LRBA: variants seen among roughly 807,000 people sequenced by gnomAD.
LRBA encodes LPS responsive beige-like anchor protein, also known as lipopolysaccharide-responsive and beige-like anchor protein.
LRBA carries 176 observed loss-of-function variants against 330.0 expected under a neutral mutation model. That is an observed-to-expected ratio of 0.53 (90% CI 0.47 to 0.60). The LOEUF (loss-of-function observed/expected upper bound fraction) is 0.60. Among genes scored for constraint, LRBA ranks in the 20% least tolerant of loss-of-function variants. The pLI is 0.00. For missense variants in LRBA, 3,259 were observed against 3,444.8 expected (o/e 0.95, Z 1.35); for synonymous variants, 1,230 against 1,193.0 (o/e 1.03, Z -0.64).
chr4:150,939,125 A>G (rs561687417), intron 2 of LRBA, among the ~76,000 whole-genome samples: 2 of 152,124 alleles, frequency 1.3e-5, no homozygotes, highest in African/African-American at 2.4e-5. Flanking sequence ...TATGCTCTAC[A>G]CTACTGTGCC....
intron 40 of LRBA, among the ~76,000 whole-genome samples, chr4:150,555,756 A>ACACAC (rs1767227376): frequency 1.7e-4 from 25 of 144,700 alleles, no homozygotes; most frequent in African/African-American, 6.2e-4. Context: ...GTCTTATAAA[A>ACACAC]ACACACACAC....
chr4:151,006,500 A>G (rs1043786835), intron 2 of LRBA, among the ~76,000 whole-genome samples: 2 of 152,134 alleles, frequency 1.3e-5, no homozygotes, highest in Non-Finnish European at 2.9e-5. Flanking sequence ...TTGTACATCT[A>G]TATAAGTATT....
At chr4:150,305,938 T>C (rs890605755) in intron 52 of LRBA, among the ~76,000 whole-genome samples, 1 of 152,172 alleles carries the variant, frequency 6.6e-6, no homozygotes, top group Non-Finnish European at 1.5e-5. Context: ...CTTATAAGTG[T>C]TCCTCAACCT....
At chr4:150,888,414 A>G (rs1445142565) in intron 17 of LRBA, among the ~76,000 whole-genome samples, 11 of 152,210 alleles carry the variant, frequency 7.2e-5, no homozygotes, top group Admixed American at 7.2e-4. Context: ...AACTAGTGAA[A>G]GTAAAACTTT....
At chr4:150,873,584 T>C (rs1352716322) in intron 17 of LRBA, among the ~76,000 whole-genome samples, 3 of 151,302 alleles carry the variant, frequency 2.0e-5, no homozygotes, top group African/African-American at 4.9e-5. Context: ...AGTGAGACTC[T>C]GTCTCAAAAA....
intron 36 of LRBA, among the ~76,000 whole-genome samples, chr4:150,684,406 G>C (rs1320550361): frequency 6.6e-6 from 1 of 152,014 alleles, no homozygotes; most frequent in Non-Finnish European, 1.5e-5. Flanking sequence ...GGATTGCCTG[G>C]GATCTTATTT....
chr4:150,648,970 C>T (rs1311981171), intron 37 of LRBA, among the ~76,000 whole-genome samples: 1 of 152,112 alleles, frequency 6.6e-6, no homozygotes, highest in Non-Finnish European at 1.5e-5. Flanking sequence ...CTCCATGCTA[C>T]CAAAACAGTT....
chr4:150,918,045 C>G (rs1043708730), intron 5 of LRBA, among the ~76,000 whole-genome samples: 9 of 152,280 alleles, frequency 5.9e-5, no homozygotes, highest in African/African-American at 2.2e-4. Flanking sequence ...GCCCTGGTGT[C>G]CTTTGGTTAG....
chr4:150,743,124 C>A (rs1732239369), intron 35 of LRBA, among the ~76,000 whole-genome samples: 1 of 152,022 alleles, frequency 6.6e-6, no homozygotes, highest in Admixed American at 6.6e-5. Flanking sequence ...CATGAGTCAC[C>A]ACCCCCGGCT....
At chr4:150,858,840 A>AT (rs1340594734) in intron 22 of LRBA, among the ~76,000 whole-genome samples, 26 of 152,238 alleles carry the variant, frequency 1.7e-4, no homozygotes, top group African/African-American at 6.0e-4. Context: ...AACTTTTGAA[A>AT]TTTCTTCAAA....
chr4:150,631,841 C>T (rs1403286011), intron 37 of LRBA, among the ~76,000 whole-genome samples: 1 of 152,154 alleles, frequency 6.6e-6, no homozygotes, highest in Non-Finnish European at 1.5e-5. Context: ...GCCAGAAGTA[C>T]ATCCACATGG....
At chr4:150,844,492 TTTA>T (rs1280929872) in intron 27 of LRBA, among the ~76,000 whole-genome samples, 163 bp downstream of exon 27, 1 of 152,164 alleles carries the variant, frequency 6.6e-6, no homozygotes, top group African/African-American at 2.4e-5. Context: ...TAAACAAATC[TTTA>T]TTGTGTATTT....
chr4:150,614,163 A>G (rs1775543358), intron 37 of LRBA, among the ~76,000 whole-genome samples: 1 of 152,120 alleles, frequency 6.6e-6, no homozygotes, highest in African/African-American at 2.4e-5. Context: ...TTAAAGGCTT[A>G]CCCTTTCATT....
At chr4:150,584,725 G>A (rs1486960039) in intron 40 of LRBA, 1 of 166,502 alleles carries the variant, frequency 6.0e-6, no homozygotes, top group African/African-American at 2.4e-5. Context: ...TTAAGTGAAG[G>A]CAGGTGAGAT....
intron 42 of LRBA, among the ~76,000 whole-genome samples, chr4:150,477,986 G>A (rs1756902055): frequency 1.3e-5 from 2 of 152,034 alleles, no homozygotes; most frequent in African/African-American, 4.8e-5. Context: ...TATTTTCCTG[G>A]ATTTCCTGTC....
chr4:151,004,015 G>A (rs1743725073), intron 2 of LRBA, among the ~76,000 whole-genome samples: 1 of 151,178 alleles, frequency 6.6e-6, no homozygotes, highest in African/African-American at 2.4e-5. Context: ...CACCTCCTGG[G>A]TTCCACAAAT....
chr4:150,350,151 C>A lies in LRBA; in HGVS notation c.7203G>T (p.Glu2401Asp), dbSNP rs1268340686. The A allele has an allele frequency of 1.3e-6, 2 of 1,567,712 alleles. No individual in the cohort carries two copies. Among genetic ancestry groups the A allele is most frequent in the East Asian group, 2.3e-5 (1 of 42,866 alleles). The part of the protein sequence containing the change: ...EFVHINRLAL[E>D]SEFVSCQLHQ... ...GAAGCTGGCAGGAAACAAATTCACT[C>A]TCCAGGGCCTGAAAAAAGGTATACA... The change falls in exon 48 of 57, where the codon GAG becomes GAT. Residue 2401 changes from glutamate (E) to aspartate (D), a missense_variant. By Grantham distance (45) the Glu-to-Asp change is conservative. Transcript: ENST00000651943.
At chr4:150,604,069 T>C (rs1204268145) in intron 37 of LRBA, among the ~76,000 whole-genome samples, 1 of 152,136 alleles carries the variant, frequency 6.6e-6, no homozygotes, top group Non-Finnish European at 1.5e-5. Context: ...AATAGTTAAA[T>C]GATACAACTA....
intron 2 of LRBA, among the ~76,000 whole-genome samples, chr4:151,011,260 G>C (rs1744810616): frequency 6.6e-6 from 1 of 151,928 alleles, no homozygotes; most frequent in Non-Finnish European, 1.5e-5. Context: ...CTCTGGAGGA[G>C]AGGAACTTGT....
Sources: gnomAD v4.1 joint callset for allele counts (sites outside exome capture counted in the v4.1 genomes callset) on GRCh38, gnomAD v4.1.1 for gene constraint, MANE v1.5 for transcripts, NCBI Gene and HGNC (gene_info 2026-07-23, HGNC 2026-07-21) for gene names.